TOX: variants seen among roughly 807,000 people sequenced by gnomAD.
TOX encodes thymocyte selection associated high mobility group box, also known as thymocyte selection-associated high mobility group box protein TOX.
In TOX, 11 loss-of-function variants were observed where a neutral mutation model predicts 53.7. The observed-to-expected ratio is 0.20, with a 90% CI of 0.13 to 0.34. The LOEUF is 0.34. Ranked by LOEUF, TOX falls within the 10% of genes least tolerant of loss-of-function variation. The pLI, the probability that TOX is intolerant of heterozygous loss-of-function variation, is 1.00. For synonymous variants in TOX, 225 were observed against 245.3 expected (o/e 0.92, Z 0.77); for missense variants, 570 against 664.6 (o/e 0.86, Z 1.56).
intron 1 of TOX, among the ~76,000 whole-genome samples, chr8:59,066,236 C>T (rs537098568): frequency 6.6e-6 from 1 of 152,210 alleles, no homozygotes; most frequent in Non-Finnish European, 1.5e-5. Flanking sequence ...TAGTTTCATA[C>T]ATGTGCTGCT....
chr8:58,968,213 C>A (rs970344849), intron 1 of TOX, among the ~76,000 whole-genome samples: 1 of 152,142 alleles, frequency 6.6e-6, no homozygotes, highest in Non-Finnish European at 1.5e-5. Context: ...AACTATAAAA[C>A]CATTCTGGTG....
chr8:58,931,274 C>T (rs1302330220), intron 3 of TOX, among the ~76,000 whole-genome samples: 3 of 151,878 alleles, frequency 2.0e-5, no homozygotes, highest in African/African-American at 7.3e-5. Context: ...TCTGCAATCT[C>T]AGGTTCTAGA....
intron 1 of TOX, among the ~76,000 whole-genome samples, chr8:59,072,676 T>G (rs1804218685): frequency 6.6e-6 from 1 of 152,194 alleles, no homozygotes. Context: ...CTGTGGTATC[T>G]TACATTTGGA....
intron 3 of TOX, among the ~76,000 whole-genome samples, chr8:58,857,169 G>A (rs960501037): frequency 2.0e-5 from 3 of 152,134 alleles, no homozygotes; most frequent in African/African-American, 4.8e-5. Flanking sequence ...AATTGATGAT[G>A]CCAGCTTCAC....
At chr8:58,814,058 C>T (rs1156863709) in intron 7 of TOX, among the ~76,000 whole-genome samples, 1 of 152,150 alleles carries the variant, frequency 6.6e-6, no homozygotes, top group African/African-American at 2.4e-5. Context: ...CATACCCACA[C>T]TATAAGTTTT....
intron 1 of TOX, among the ~76,000 whole-genome samples, chr8:58,988,267 A>G (rs1563410314): frequency 6.6e-6 from 1 of 152,222 alleles, no homozygotes; most frequent in Non-Finnish European, 1.5e-5. Flanking sequence ...TAATGGGTCT[A>G]TTCATCTAAG....
chr8:58,855,778 A>G (rs1028091701), intron 3 of TOX, among the ~76,000 whole-genome samples: 14 of 152,274 alleles, frequency 9.2e-5, no homozygotes, highest in African/African-American at 3.4e-4. Context: ...ACCATCCTTC[A>G]TCTACTCTAT....
At chr8:58,972,935 G>A (rs546449024) in intron 1 of TOX, among the ~76,000 whole-genome samples, 1 of 152,256 alleles carries the variant, frequency 6.6e-6, no homozygotes, top group East Asian at 1.9e-4. Context: ...AAATAAACGA[G>A]TCTTGTTTCC....
intron 1 of TOX, among the ~76,000 whole-genome samples, chr8:58,982,521 G>T (rs942392055): frequency 6.6e-6 from 1 of 152,066 alleles, no homozygotes; most frequent in Admixed American, 6.6e-5. Context: ...TTTACTGATG[G>T]CATGACTCAC....
intron 3 of TOX, among the ~76,000 whole-genome samples, chr8:58,886,715 GA>G (rs1811474552): frequency 6.6e-6 from 1 of 151,878 alleles, no homozygotes; most frequent in Non-Finnish European, 1.5e-5. Context: ...GTTTATAATG[GA>G]TACTCTTAAG....
chr8:59,071,619 A>G (rs1804198576), intron 1 of TOX, among the ~76,000 whole-genome samples: 1 of 152,220 alleles, frequency 6.6e-6, no homozygotes, highest in Non-Finnish European at 1.5e-5. Flanking sequence ...ATTTTTGGTC[A>G]CCATAATGCC....
chr8:58,956,653 G>GT (rs1812713334), intron 2 of TOX, among the ~76,000 whole-genome samples: 1 of 152,162 alleles, frequency 6.6e-6, no homozygotes, highest in African/African-American at 2.4e-5. Context: ...CCAGGCTAAA[G>GT]TACAGTGGTG....
In TOX at chr8:58,834,823, C is replaced by T. The variant is rs142296622; in HGVS notation, c.924+3258G>A. Among the ~76,000 whole-genome samples, 119 of 152,246 alleles carry T rather than the reference C, an allele frequency of 7.8e-4. 2 individuals carry two copies. The highest frequency in any genetic ancestry group is 2.8e-3 in the African/African-American group (116 of 41,526). On this transcript the variant is annotated intron_variant, in intron 5 of 8. Coordinates refer to ENST00000361421, the MANE Select transcript of TOX (RefSeq NM_014729.3). ...CATCCAACGTGTGTCCTACACCATACCTTTAGGCATAATCTGCAGCCTCAC... is the reference window on the plus strand; with the variant it reads ...CATCCAACGTGTGTCCTACACCATATCTTTAGGCATAATCTGCAGCCTCAC...
At position 58,918,785 on chromosome 8, in the gene TOX, T is replaced by C. The variant is rs867891358; in HGVS notation, c.411+20517A>G. 5.1e-4 allele frequency among the ~76,000 whole-genome samples: 57 copies of C among 112,372 alleles called. 1 individual carries two copies. The Middle Eastern group carries it at 0.021, about 41-fold the overall frequency. 73.7% of individuals were successfully genotyped at this position (112,372 alleles called of 152,430 possible). ...AAATTGTCCCTGTTTGCAGACGACA[T>C]GATTGTTTATCTAGAAAACCCCATT... On this transcript the variant is annotated intron_variant, in intron 3 of 8. Coordinates refer to ENST00000361421, the MANE Select transcript of TOX (RefSeq NM_014729.3).
chr8:58,986,454 C>T (rs1028350016), intron 1 of TOX, among the ~76,000 whole-genome samples: 4 of 152,112 alleles, frequency 2.6e-5, no homozygotes, highest in African/African-American at 7.2e-5. Context: ...CAACGTGGAT[C>T]GAATAAACCT....
chr8:58,953,885 A>C (rs1812667486), intron 2 of TOX, among the ~76,000 whole-genome samples: 1 of 152,152 alleles, frequency 6.6e-6, no homozygotes, highest in Non-Finnish European at 1.5e-5. Context: ...GTATTCTAAA[A>C]ATATACTTTC....
chr8:59,066,074 T>G (rs1804088505), intron 1 of TOX, among the ~76,000 whole-genome samples: 1 of 152,196 alleles, frequency 6.6e-6, no homozygotes, highest in African/African-American at 2.4e-5. Flanking sequence ...AGCATTTAAA[T>G]GAGGGAGGAA....
intron 1 of TOX, among the ~76,000 whole-genome samples, chr8:59,085,452 G>A (rs1315276997): frequency 6.6e-6 from 1 of 151,614 alleles, no homozygotes; most frequent in Non-Finnish European, 1.5e-5. Flanking sequence ...GCAGTGGCAC[G>A]AGCACAGCTC....
chr8:58,938,894 AG>A (rs1371229017), intron 3 of TOX, among the ~76,000 whole-genome samples: 1 of 152,228 alleles, frequency 6.6e-6, no homozygotes, highest in Non-Finnish European at 1.5e-5. Flanking sequence ...AGCCGAAAAT[AG>A]GAAGGAAAAT....
Sources: allele counts gnomAD v4.1 joint callset (sites outside exome capture counted in the v4.1 genomes callset), GRCh38; gene constraint gnomAD v4.1.1; transcripts MANE v1.5; gene names NCBI Gene and HGNC (gene_info 2026-07-23, HGNC 2026-07-21).